Variants in FHAD1 observed in about 807,000 individuals in gnomAD.
FHAD1 encodes the protein forkhead-associated domain-containing protein 1.
FHAD1 carries 146 observed loss-of-function variants against 191.3 expected under a neutral mutation model. The ratio of observed to expected loss-of-function variants is 0.76; its 90% CI spans 0.67 to 0.88. The LOEUF is 0.88. FHAD1 is among the 40% of genes least tolerant of loss of function. The probability of loss-of-function intolerance (pLI) is 0.00; values close to 1 mark genes in which losing one functional copy is unlikely to be tolerated. For missense variants in FHAD1, 1,635 were observed against 1,785.8 expected (o/e 0.92, Z 1.52); for synonymous variants, 616 against 672.3 (o/e 0.92, Z 1.29).
chr1:15,270,935 G>A (rs1329500815), intron 2 of FHAD1, among the ~76,000 whole-genome samples: 1 of 151,902 alleles, frequency 6.6e-6, no homozygotes, highest in Non-Finnish European at 1.5e-5. Context: ...GTCAGGAGAT[G>A]GAGACCATCC....
intron 23 of FHAD1, among the ~76,000 whole-genome samples, chr1:15,363,021 C>G (rs1284597820): frequency 6.6e-6 from 1 of 152,230 alleles, no homozygotes; most frequent in Non-Finnish European, 1.5e-5. Flanking sequence ...CATTCAGATC[C>G]TCAGACTGTT....
chr1:15,248,615 T>C (rs1213369688), intron 1 of FHAD1, among the ~76,000 whole-genome samples: 2 of 150,788 alleles, frequency 1.3e-5, no homozygotes, highest in Non-Finnish European at 3.0e-5. Flanking sequence ...AGAGTCTTGC[T>C]CTGTCTCCCA....
intron 2 of FHAD1, among the ~76,000 whole-genome samples, chr1:15,265,468 G>T (rs1209017831): frequency 6.6e-6 from 1 of 152,176 alleles, no homozygotes; most frequent in Non-Finnish European, 1.5e-5. Context: ...AAATACAGGA[G>T]GGAGTGGTAT....
chr1:15,399,302 C>A (rs768767286), downstream of FHAD1, among the ~76,000 whole-genome samples: 1 of 152,108 alleles, frequency 6.6e-6, no homozygotes, highest in African/African-American at 2.4e-5. Flanking sequence ...CATGGTGGCT[C>A]ACATCTGTAA....
intron 6 of FHAD1, among the ~76,000 whole-genome samples, chr1:15,302,027 AG>A (rs1425993803): frequency 2.0e-5 from 3 of 152,118 alleles, no homozygotes; most frequent in African/African-American, 7.2e-5. Context: ...AAAGAAAGAA[AG>A]AAAAAAGTCT....
At chr1:15,362,069 G>A (rs1412925576) in intron 22 of FHAD1, among the ~76,000 whole-genome samples, 1 of 151,474 alleles carries the variant, frequency 6.6e-6, no homozygotes, top group Non-Finnish European at 1.5e-5. Context: ...GTCAGAGGGA[G>A]GGTGTTTGAG....
At chr1:15,402,339 T>A (rs184212150), downstream of FHAD1, among the ~76,000 whole-genome samples, 280 of 152,338 alleles carry the variant, frequency 1.8e-3, 2 homozygotes, top group African/African-American at 6.5e-3. Flanking sequence ...TTTTTAAAAT[T>A]TTTTTATTAT....
At chr1:15,346,323 C>G (rs1003965371) in intron 18 of FHAD1, among the ~76,000 whole-genome samples, 2 of 152,196 alleles carry the variant, frequency 1.3e-5, no homozygotes, top group African/African-American at 2.4e-5. Flanking sequence ...TTTAAAAGTT[C>G]AGATTTCCAG....
chr1:15,296,809 G>T lies in FHAD1; in HGVS notation c.678+16G>T, dbSNP rs1486065463. On this transcript the variant is annotated intron_variant, in intron 5 of 33. Transcript: ENST00000688493. The stretch of plus-strand genomic sequence containing the variant: ...GCAGGACAAGGTGAGGGAGGGGTCT[G>T]GGGAAGGGTGGAGCTGCAGCAGCAA... 1.9e-6 allele frequency: 3 copies of T among 1,544,556 alleles called. No individual in the cohort carries two copies. Among genetic ancestry groups the T allele is most frequent in the Non-Finnish European group, 2.6e-6 (3 of 1,141,322 alleles).
intron 20 of FHAD1, among the ~76,000 whole-genome samples, chr1:15,353,704 CAAA>C (rs60518389): frequency 0.015 from 900 of 60,888 alleles, 2 homozygotes; most frequent in African/African-American, 0.057. Context: ...GACTCCATCT[CAAA>C]AAAAAAAAAA....
At chr1:15,268,985 C>T (rs546125088) in intron 2 of FHAD1, among the ~76,000 whole-genome samples, 22 of 152,122 alleles carry the variant, frequency 1.4e-4, no homozygotes, top group African/African-American at 5.1e-4. Flanking sequence ...TATAAATATT[C>T]CATAATAAAT....
chr1:15,360,451 C>G, intron 21 of FHAD1, 27 bp from the exon 22 acceptor site: 1 of 1,543,188 alleles, frequency 6.5e-7, no homozygotes, highest in Non-Finnish European at 8.8e-7. Flanking sequence ...CTCCCAAGAC[C>G]TCACTGAGTG....
At chr1:15,347,576 A>G (rs969429097) in intron 18 of FHAD1, among the ~76,000 whole-genome samples, 1 of 152,172 alleles carries the variant, frequency 6.6e-6, no homozygotes, top group Non-Finnish European at 1.5e-5. Context: ...CAGCCTCCCA[A>G]GTAGCTGGGA....
At position 15,289,728 on chromosome 1, in the gene FHAD1, G is replaced by T; in HGVS notation, c.568+62G>T. On this transcript the variant is annotated intron_variant, in intron 4 of 33. Coordinates refer to ENST00000688493, the MANE Select transcript of FHAD1 (RefSeq NM_001391957.1). The surrounding 1 kb of genome is among the most constrained non-coding windows in gnomAD (Gnocchi z 4.2). ...GTTCACGGCCATGTGGATGGGTCTT[G>T]GTTTTGGTTTACTTTCTGATTCTAA... 1 of 1,475,802 alleles carries T rather than the reference G, an allele frequency of 6.8e-7. No individual in the cohort carries two copies. Among genetic ancestry groups the T allele is most frequent in the South Asian group, 1.3e-5 (1 of 74,122 alleles). 91.4% of individuals were successfully genotyped at this position (1,475,802 alleles called of 1,614,324 possible). A position where few individuals can be genotyped will look rare whatever the true frequency, so the allele number is the denominator to read the frequency against.
intron 18 of FHAD1, chr1:15,345,750 AC>A: frequency 1.8e-6 from 1 of 570,398 alleles, no homozygotes; most frequent in Non-Finnish European, 3.1e-6. Context: ...AGTGTAAAAC[AC>A]AGTCAGAGAG....
chr1:15,341,946 A>C (rs1006320777), intron 16 of FHAD1, 58 bp downstream of exon 16: 3 of 1,486,282 alleles, frequency 2.0e-6, no homozygotes, highest in Non-Finnish European at 2.7e-6. Flanking sequence ...GGCCTTTTCT[A>C]TGGGAAATTG....
intron 10 of FHAD1, among the ~76,000 whole-genome samples, chr1:15,321,180 C>T (rs1296426319): frequency 1.3e-5 from 2 of 152,224 alleles, no homozygotes; most frequent in Non-Finnish European, 2.9e-5. Context: ...GATCTGCCCA[C>T]CTTGGCCTCC....
intron 23 of FHAD1, 89 bp downstream of exon 23, chr1:15,362,815 A>G: frequency 1.0e-6 from 1 of 994,384 alleles, no homozygotes; most frequent in Non-Finnish European, 1.5e-6. Flanking sequence ...TACCTGGGCC[A>G]CATTGTCAGA....
intron 1 of FHAD1, among the ~76,000 whole-genome samples, chr1:15,247,738 C>T (rs1484262751): frequency 6.6e-6 from 1 of 152,118 alleles, no homozygotes; most frequent in Non-Finnish European, 1.5e-5. Flanking sequence ...CAGAGAGACT[C>T]CCCCCTTGCC....
Sources: allele counts gnomAD v4.1 joint callset (sites outside exome capture counted in the v4.1 genomes callset), GRCh38; gene constraint gnomAD v4.1.1; non-coding constraint Gnocchi (gnomAD v3.1); transcripts MANE v1.5; gene names NCBI Gene and HGNC (gene_info 2026-07-23, HGNC 2026-07-21).